The following ZCWPW2 variants were observed in gnomAD, a reference collection of about 807,000 sequenced individuals.
ZCWPW2 encodes zinc finger CW-type and PWWP domain containing 2.
In ZCWPW2, 45 loss-of-function variants were observed where a neutral mutation model predicts 46.6. The observed-to-expected ratio is 0.96, with a 90% confidence interval of 0.76 to 1.24. The LOEUF (loss-of-function observed/expected upper bound fraction) is 1.24, where lower values mean the gene tolerates loss of function less well. Among genes scored for constraint, ZCWPW2 ranks in the 50% most tolerant of loss-of-function variants. The probability of loss-of-function intolerance (pLI) is 0.00; values close to 1 mark genes in which losing one functional copy is unlikely to be tolerated. For synonymous variants in ZCWPW2, 152 were observed against 137.1 expected (o/e 1.11, Z -0.76); for missense variants, 429 against 403.9 (o/e 1.06, Z -0.53).
At chr3:28,490,571 GA>G (rs1699774139) in intron 5 of ZCWPW2, among the ~76,000 whole-genome samples, 1 of 152,106 alleles carries the variant, frequency 6.6e-6, no homozygotes, top group Admixed American at 6.6e-5. Context: ...TGTAGGAACA[GA>G]CAATCAAGTG....
chr3:28,426,957 T>G (rs1349103936), intron 3 of ZCWPW2, among the ~76,000 whole-genome samples: 3 of 152,174 alleles, frequency 2.0e-5, no homozygotes, highest in Non-Finnish European at 4.4e-5. Flanking sequence ...ATGTAAGACA[T>G]GAGTTTCTTC....
At chr3:28,368,100 A>G (rs961598712) in intron 1 of ZCWPW2, among the ~76,000 whole-genome samples, 43 of 151,944 alleles carry the variant, frequency 2.8e-4, no homozygotes, top group Non-Finnish European at 5.7e-4. Flanking sequence ...TCTTTATCCA[A>G]TTTGCCAGTC....
At chr3:28,392,777 C>T (rs1430465056) in intron 2 of ZCWPW2, among the ~76,000 whole-genome samples, 1 of 151,630 alleles carries the variant, frequency 6.6e-6, no homozygotes, top group Admixed American at 6.6e-5. Context: ...AAAAAGATAT[C>T]ATACCAAAAC....
intron 1 of ZCWPW2, among the ~76,000 whole-genome samples, chr3:28,360,349 C>CAAAAAAAAAAAAAAAAA (rs71087692): frequency 1.9e-5 from 1 of 53,926 alleles, no homozygotes; most frequent in African/African-American, 7.1e-5. Context: ...ACTAAAAATA[C>CAAAAAAAAAAAAAAAAA]AAAAAAAAAA....
At chr3:28,380,953 T>C in intron 1 of ZCWPW2, among the ~76,000 whole-genome samples, 1 of 46,308 alleles carries the variant, frequency 2.2e-5, no homozygotes, top group African/African-American at 1.1e-4. Flanking sequence ...TATATATATA[T>C]ATATATATAT....
At chr3:28,429,847 G>T (rs947814061) in intron 3 of ZCWPW2, among the ~76,000 whole-genome samples, 1 of 152,222 alleles carries the variant, frequency 6.6e-6, no homozygotes, top group East Asian at 1.9e-4. Flanking sequence ...CTTACACATG[G>T]TGTTGGGCCT....
At chr3:28,396,285 AT>A (rs1479825789) in intron 2 of ZCWPW2, among the ~76,000 whole-genome samples, 2 of 152,236 alleles carry the variant, frequency 1.3e-5, no homozygotes, top group East Asian at 3.9e-4. Context: ...AATTCTTGAT[AT>A]TTTTCTGCTG....
chr3:28,392,580 T>C (rs1254443375), intron 2 of ZCWPW2, among the ~76,000 whole-genome samples: 1 of 151,592 alleles, frequency 6.6e-6, no homozygotes, highest in Non-Finnish European at 1.5e-5. Flanking sequence ...ATAAAACGAG[T>C]CTTAACAAAT....
At position 28,526,046 on chromosome 3, in the gene ZCWPW2, C is replaced by G. The variant is rs949687290; in HGVS notation, c.*1358C>G. Reference sequence around the variant, plus strand: ...ATGTCTTGATGAAGCTTTTAACTAGCTGGGTGGTGGAATGATAATCTAGTT... The same window carrying G: ...ATGTCTTGATGAAGCTTTTAACTAGGTGGGTGGTGGAATGATAATCTAGTT... On this transcript the variant is annotated 3_prime_UTR_variant, in exon 10 of 10. Transcript: ENST00000383768. Among the ~76,000 whole-genome samples the G allele has an allele frequency of 2.0e-5, 3 of 152,048 alleles. No individual in the cohort carries two copies. The highest frequency in any genetic ancestry group is 7.2e-5 in the African/African-American group (3 of 41,426).
At position 28,435,847 on chromosome 3, in the gene ZCWPW2, CT is replaced by C. The variant is rs550605856; in HGVS notation, c.492+582del. ...TCAACTGAAGACTTTATGTGATTGC[CT>C]TTTGAAACTATTTTAAGACTATCAT... is the stretch of plus-strand genomic sequence containing the variant. On this transcript the variant is annotated intron_variant, in intron 4 of 9. Transcript: ENST00000383768. 1.8e-4 allele frequency among the ~76,000 whole-genome samples: 28 copies of C among 152,160 alleles called. 1 individual carries two copies. The South Asian group carries it at 5.8e-3, about 32-fold the overall frequency.
intron 9 of ZCWPW2, among the ~76,000 whole-genome samples, chr3:28,523,079 G>A (rs898255636): frequency 1.3e-5 from 2 of 152,112 alleles, no homozygotes; most frequent in Non-Finnish European, 2.9e-5. Flanking sequence ...ATTTCTTAAG[G>A]TAAAATACAT....
chr3:28,394,151 T>C (rs1695603139), intron 2 of ZCWPW2, among the ~76,000 whole-genome samples: 2 of 151,998 alleles, frequency 1.3e-5, no homozygotes, highest in Non-Finnish European at 2.9e-5. Flanking sequence ...AAAAAAGTTA[T>C]TCAGAAGAAA....
At chr3:28,469,207 A>G (rs1165074055) in intron 4 of ZCWPW2, among the ~76,000 whole-genome samples, 1 of 152,140 alleles carries the variant, frequency 6.6e-6, no homozygotes, top group African/African-American at 2.4e-5. Context: ...ATCACAAATC[A>G]AAAAACATAC....
chr3:28,510,538 C>A (rs907734174), intron 6 of ZCWPW2, among the ~76,000 whole-genome samples: 1 of 152,046 alleles, frequency 6.6e-6, no homozygotes, highest in Non-Finnish European at 1.5e-5. Context: ...ACTTCTTTTT[C>A]ATTTTTCTAG....
At chr3:28,350,396 A>G (rs979855812) in intron 1 of ZCWPW2, among the ~76,000 whole-genome samples, 1 of 152,248 alleles carries the variant, frequency 6.6e-6, no homozygotes, top group African/African-American at 2.4e-5. Context: ...GAGTAAGTAA[A>G]GATAAAATGT....
chr3:28,354,168 G>A (rs1704650900), intron 1 of ZCWPW2, among the ~76,000 whole-genome samples: 1 of 151,696 alleles, frequency 6.6e-6, no homozygotes, highest in Non-Finnish European at 1.5e-5. Flanking sequence ...CCCTTTCATG[G>A]GGATATCACC....
chr3:28,454,019 T>C (rs1368822449), intron 4 of ZCWPW2, among the ~76,000 whole-genome samples: 1 of 151,604 alleles, frequency 6.6e-6, no homozygotes, highest in African/African-American at 2.4e-5. Flanking sequence ...TAATTTTTTG[T>C]ATTTTTAGTA....
intron 2 of ZCWPW2, among the ~76,000 whole-genome samples, chr3:28,399,655 C>G (rs1364419122): frequency 6.6e-6 from 1 of 152,138 alleles, no homozygotes; most frequent in African/African-American, 2.4e-5. Context: ...GGTAGACTTG[C>G]TGGGTGGCTA....
chr3:28,380,934 G>GTGTATA (rs1463057587), intron 1 of ZCWPW2, among the ~76,000 whole-genome samples: 1 of 13,436 alleles, frequency 7.4e-5, no homozygotes, highest in African/African-American at 3.2e-4. Flanking sequence ...TATATATTTG[G>GTGTATA]TATATATATA....
Sources: gnomAD v4.1 joint callset for allele counts (sites outside exome capture counted in the v4.1 genomes callset) on GRCh38, gnomAD v4.1.1 for gene constraint, MANE v1.5 for transcripts, NCBI Gene and HGNC (gene_info 2026-07-23, HGNC 2026-07-21) for gene names.